The following KCNQ5 variants were observed in gnomAD, a reference collection of about 807,000 sequenced individuals.
KCNQ5 encodes potassium voltage-gated channel subfamily Q member 5.
KCNQ5 carries 30 observed loss-of-function variants against 98.2 expected under a neutral mutation model. The ratio of observed to expected loss-of-function variants is 0.31; its 90% CI spans 0.23 to 0.41. KCNQ5 has a LOEUF of 0.41. Among genes scored for constraint, KCNQ5 ranks in the 10% least tolerant of loss-of-function variants. The probability of loss-of-function intolerance (pLI) is 1.00; values close to 1 mark genes in which losing one functional copy is unlikely to be tolerated. For synonymous variants in KCNQ5, 458 were observed against 449.4 expected (o/e 1.02, Z -0.24); for missense variants, 835 against 1,182.5 (o/e 0.71, Z 4.31).
intron 1 of KCNQ5, among the ~76,000 whole-genome samples, chr6:72,861,827 T>TA (rs34487550): frequency 0.56 from 82,890 of 147,076 alleles, 24,010 homozygotes; most frequent in African/African-American, 0.73. Flanking sequence ...TAAAGTATAA[T>TA]AAAAAAAAAA....
intron 1 of KCNQ5, among the ~76,000 whole-genome samples, chr6:72,661,766 AT>A (rs1766537926): frequency 6.6e-6 from 1 of 152,222 alleles, no homozygotes; most frequent in East Asian, 1.9e-4. Flanking sequence ...TAATCTCCCT[AT>A]GCTTGTTCTT....
chr6:72,758,901 A>G (rs1243663326), intron 1 of KCNQ5, among the ~76,000 whole-genome samples: 2 of 152,144 alleles, frequency 1.3e-5, no homozygotes, highest in African/African-American at 4.8e-5. Context: ...AGATATGATT[A>G]AAGGAATAAA....
intron 1 of KCNQ5, chr6:72,806,956 C>A: frequency 3.1e-6 from 1 of 321,150 alleles, no homozygotes; most frequent in South Asian, 2.5e-5. Flanking sequence ...TTATAAGCAG[C>A]CTTTGTCTCT....
At chr6:73,028,065 C>A (rs916461219) in intron 2 of KCNQ5, among the ~76,000 whole-genome samples, 3 of 152,116 alleles carry the variant, frequency 2.0e-5, no homozygotes, top group African/African-American at 7.2e-5. Flanking sequence ...CTATTCCCTG[C>A]CTGCCAAGAT....
intron 1 of KCNQ5, among the ~76,000 whole-genome samples, chr6:72,793,034 C>T (rs569716633): frequency 4.6e-5 from 7 of 152,192 alleles, no homozygotes; most frequent in South Asian, 4.2e-4. Flanking sequence ...ATTGTTACAA[C>T]GTCTGAGCAG....
chr6:73,046,309 G>A (rs2150361016), intron 3 of KCNQ5, among the ~76,000 whole-genome samples: 1 of 151,894 alleles, frequency 6.6e-6, no homozygotes, highest in East Asian at 1.9e-4. Flanking sequence ...CTTATTTTCT[G>A]TTAGTCATAC....
chr6:72,976,664 C>T (rs965302198), intron 1 of KCNQ5, among the ~76,000 whole-genome samples: 18 of 152,292 alleles, frequency 1.2e-4, no homozygotes, highest in Admixed American at 3.3e-4. Context: ...CATTAGTGGT[C>T]ATTTTAATGA....
chr6:73,169,749 A>G lies in KCNQ5; in HGVS notation c.1472A>G (p.Asp491Gly). The change falls in exon 11 of 14, where the codon GAC becomes GGC. Residue 491 changes from aspartate to glycine, a missense_variant. Physicochemically the swap from Asp to Gly is moderately conservative, Grantham distance 94. This residue lies in a region of KCNQ5 where 146 missense variants were observed against 256.7 expected (regional missense o/e 0.57). Transcript: ENST00000370398. ...SSQPKPVIDA[D>G]TALGTDDVYD... ...AACTGGCAATATTCTCTTGCAGCTG[A>G]CACAGCCCTTGGCACTGATGATGTA... is the stretch of plus-strand genomic sequence containing the variant. The G allele has an allele frequency of 6.2e-7, 1 of 1,610,334 alleles. No individual in the cohort carries two copies. The highest frequency in any genetic ancestry group is 8.5e-7 in the Non-Finnish European group (1 of 1,176,670).
intron 1 of KCNQ5, among the ~76,000 whole-genome samples, chr6:72,811,888 G>T (rs555568676): frequency 6.9e-4 from 105 of 152,288 alleles, no homozygotes; most frequent in Non-Finnish European, 7.4e-4. Flanking sequence ...AGGGGCTGCT[G>T]GTTGGCTATT....
chr6:72,632,910 T>C (rs1409667733), intron 1 of KCNQ5, among the ~76,000 whole-genome samples: 1 of 152,180 alleles, frequency 6.6e-6, no homozygotes, highest in African/African-American at 2.4e-5. Context: ...TGTGTGTCTT[T>C]TTGGTATGAT....
intron 7 of KCNQ5, among the ~76,000 whole-genome samples, chr6:73,112,527 A>G (rs866065494): frequency 1.6e-4 from 24 of 152,112 alleles, no homozygotes; most frequent in Admixed American, 7.2e-4. Context: ...TTGTATTTTT[A>G]GTAGAGACAG....
intron 1 of KCNQ5, among the ~76,000 whole-genome samples, chr6:72,676,437 GAGA>G (rs1442669021): frequency 1.3e-5 from 2 of 152,164 alleles, no homozygotes; most frequent in Non-Finnish European, 2.9e-5. Flanking sequence ...ACACAGGAGG[GAGA>G]AGATGTTTCC....
chr6:73,187,992 T>G (rs1231194962), intron 11 of KCNQ5, among the ~76,000 whole-genome samples: 2 of 152,010 alleles, frequency 1.3e-5, no homozygotes, highest in Non-Finnish European at 2.9e-5. Flanking sequence ...GTATGTAGGT[T>G]CACATCTGGG....
chr6:72,723,463 T>C lies in KCNQ5; in HGVS notation c.398+100876T>C, dbSNP rs554233493. On this transcript the variant is annotated intron_variant, in intron 1 of 13. Coordinates refer to ENST00000370398, the MANE Select transcript of KCNQ5 (RefSeq NM_019842.4). ...GCAATAATATGAGAAACAGGAGGAA[T>C]AATACTGGATAAACATCTAATATTT... Among the ~76,000 whole-genome samples the C allele has an allele frequency of 2.6e-5, 4 of 152,326 alleles. No individual in the cohort carries two copies. The East Asian group carries it at 7.7e-4, about 29-fold the overall frequency.
At chr6:73,004,032 G>A in intron 2 of KCNQ5, 34 bp downstream of exon 2, 1 of 1,263,112 alleles carries the variant, frequency 7.9e-7, no homozygotes, top group Non-Finnish European at 1.2e-6. Flanking sequence ...GTACATGAAT[G>A]TTGTATAAGA....
intron 12 of KCNQ5, among the ~76,000 whole-genome samples, chr6:73,191,393 G>C (rs1284292338): frequency 1.3e-5 from 2 of 152,050 alleles, no homozygotes; most frequent in South Asian, 2.1e-4. Context: ...GCATCTTATT[G>C]AGTGATTAAA....
chr6:73,124,003 C>A (rs550006006), intron 8 of KCNQ5, among the ~76,000 whole-genome samples: 2 of 152,186 alleles, frequency 1.3e-5, no homozygotes, highest in Admixed American at 1.3e-4. Context: ...TTCTATGTAC[C>A]TTATTTACTC....
chr6:72,674,816 A>G (rs1263243202), intron 1 of KCNQ5, among the ~76,000 whole-genome samples: 1 of 152,152 alleles, frequency 6.6e-6, no homozygotes, highest in Non-Finnish European at 1.5e-5. Flanking sequence ...AGAAAGTGGG[A>G]GTAAGTGTGG....
rs375069511 is a variant in KCNQ5 at position 73,195,096 on chromosome 6, C to T, written c.2481C>T (p.Gly827=). 6.2e-7 allele frequency: 1 copy of T among 1,614,052 alleles called. No individual in the cohort carries two copies. The highest frequency in any genetic ancestry group is 1.3e-5 in the African/African-American group (1 of 74,922). The part of the protein sequence containing the change: ...SVCPMVPKDL[G]KSLSVQNLIR... ...GTCCCATGGTGCCGAAGGACTTGGG[C>T]AAATCTTTGTCTGTGCAAAACCTGA... Residue 827 remains glycine, a synonymous_variant, in exon 14 of 14, where the codon GGC becomes GGT. Transcript: ENST00000370398.
Sources: gnomAD v4.1 joint callset for allele counts (sites outside exome capture counted in the v4.1 genomes callset) on GRCh38, gnomAD v4.1.1 for gene constraint, gnomAD v4.1.1 regional missense constraint, MANE v1.5 for transcripts, NCBI Gene and HGNC (gene_info 2026-07-23, HGNC 2026-07-21) for gene names.